Variants in SHROOM1 observed in about 807,000 individuals in gnomAD.
SHROOM1 encodes shroom family member 1.
In SHROOM1, 53 loss-of-function variants were observed where a neutral mutation model predicts 64.2. That is an observed-to-expected ratio of 0.83 (90% CI 0.66 to 1.04). SHROOM1 has a LOEUF of 1.04. Ranked by LOEUF, SHROOM1 falls within the 50% of genes least tolerant of loss-of-function variation. The pLI is 0.00. For synonymous variants in SHROOM1, 490 were observed against 518.9 expected (o/e 0.94, Z 0.76); for missense variants, 1,179 against 1,163.2 (o/e 1.01, Z -0.20).
In SHROOM1 at chr5:132,825,114, T is replaced by C; in HGVS notation, c.979-41A>G. The C allele has an allele frequency of 6.2e-7, 1 of 1,614,098 alleles. No individual in the cohort carries two copies. On this transcript the variant is annotated intron_variant, in intron 4 of 9. Transcript: ENST00000378679. The surrounding 1 kb of genome is among the most constrained non-coding windows in gnomAD (Gnocchi z 5.1). ...GTCGACTGAAATGTGGCTCAAGTTT[T>C]GTTTCCCAGATGCTCCCCTCACCAG...
In SHROOM1 at chr5:132,825,954, C is replaced by T. The variant is rs1272928079; in HGVS notation, c.187G>A (p.Val63Met). The change falls in exon 4 of 10, where the codon GTG becomes ATG. Residue 63 changes from valine (V) to methionine (M), a missense_variant. Physicochemically the swap from Val to Met is conservative, Grantham distance 21. Coordinates refer to ENST00000378679, the MANE Select transcript of SHROOM1 (RefSeq NM_001172700.2). The surrounding 1 kb of genome is among the most constrained non-coding windows in gnomAD (Gnocchi z 5.1). ...CCCGGGCCGCCCCAAACCACACGCA[C>T]GTAGTCCCAGTCTAGGTAAGGAAGG... ...DLLPYLDWDY[V>M]RVVWGGPGPA... The T allele has an allele frequency of 8.9e-6, 13 of 1,454,852 alleles. No homozygotes were observed. In the Admixed American group the frequency reaches 1.1e-4, roughly 12 times the overall value. 90.1% of individuals were successfully genotyped at this position (1,454,852 alleles called of 1,614,324 possible). A position where few individuals can be genotyped will look rare whatever the true frequency, so the allele number is the denominator to read the frequency against.
Position 132,823,380 on chromosome 5 carries a change from A to T in SHROOM1, c.2096T>A (p.Leu699Gln), listed in dbSNP as rs756366696. 6.2e-7 allele frequency: 1 copy of T among 1,609,696 alleles called. No homozygotes were observed. Among genetic ancestry groups the T allele is most frequent in the Non-Finnish European group, 8.5e-7 (1 of 1,179,752 alleles). ...GGCCATGAACCGGCTGAACCGCTCC[A>T]GCTCCTGAGGGGCACAGGCCTGGCG... ...AVRQACAPQE[L>Q]ERFSRFMADL... Residue 699 changes from leucine to glutamine, a missense_variant, in exon 9 of 10, where the codon CTG (leucine) becomes CAG (glutamine). Physicochemically the swap from Leu to Gln is moderately radical, Grantham distance 113. Transcript: ENST00000378679. This position sits in a 1 kb window ranked among gnomAD's most constrained non-coding sequence, Gnocchi z 4.6.
chr5:132,826,210 T>C, intron 3 of SHROOM1, 28 bp from the exon 4 acceptor site: 1 of 1,269,098 alleles, frequency 7.9e-7, no homozygotes, highest in African/African-American at 1.5e-5. Context: ...TGGTGCCGGG[T>C]GAGGAGCTCC....
At chr5:132,829,763 C>T (rs1357993825) in intron 1 of SHROOM1, 1 of 985,356 alleles carries the variant, frequency 1.0e-6, no homozygotes, top group East Asian at 1.1e-4. Flanking sequence ...CCAGTACCCG[C>T]AGCTGGGTCT....
chr5:132,828,571 C>A (rs1758767728), intron 1 of SHROOM1, among the ~76,000 whole-genome samples: 1 of 152,182 alleles, frequency 6.6e-6, no homozygotes, highest in Admixed American at 6.5e-5. Context: ...GCTCATGTCA[C>A]CCATCCTGCC....
chr5:132,825,806 G>A lies in SHROOM1; in HGVS notation c.335C>T (p.Thr112Ile), dbSNP rs1758670369. The A allele has an allele frequency of 8.0e-7, 1 of 1,250,014 alleles. No individual in the cohort carries two copies. The allele number at this position is 1,250,014 out of a possible 1,614,324, so 77.4% of individuals were successfully genotyped here. The change falls in exon 4 of 10, where the codon ACC becomes ATC. Residue 112 changes from threonine (T) to isoleucine (I), a missense_variant. Thr to Ile is a moderately conservative substitution (Grantham distance 89). Coordinates refer to ENST00000378679, the MANE Select transcript of SHROOM1 (RefSeq NM_001172700.2). The surrounding 1 kb of genome is among the most constrained non-coding windows in gnomAD (Gnocchi z 5.1). ...GTPGPLNRQA[T>I]PLLYALAAEA... ...GGCCGCCAGCGCGTACAGCAGCGGG[G>A]TGGCCTGCCTGTTCAGTGGTCCCGG...
At position 132,822,499 on chromosome 5, in the gene SHROOM1, C is replaced by G. The variant is rs944785547; in HGVS notation, c.*297G>C. The G allele has an allele frequency of 4.6e-5, 12 of 263,678 alleles. No individual in the cohort carries two copies. The East Asian group carries it at 6.8e-4, about 15-fold the overall frequency. 16.3% of individuals were successfully genotyped at this position (263,678 alleles called of 1,614,324 possible). A position where few individuals can be genotyped will look rare whatever the true frequency, so the allele number is the denominator to read the frequency against. The stretch of plus-strand genomic sequence containing the variant: ...CTGCCTCAGCCTTCCGAGTAGCTGG[C>G]AATACAGGCACCCGCCACCACGCCC... On this transcript the variant is annotated 3_prime_UTR_variant, in exon 10 of 10. Coordinates refer to ENST00000378679, the MANE Select transcript of SHROOM1 (RefSeq NM_001172700.2).
rs762000454 is a variant in SHROOM1 at position 132,822,891 on chromosome 5, C to T, written c.2464G>A (p.Asp822Asn). 6.2e-7 allele frequency: 1 copy of T among 1,613,502 alleles called. No individual in the cohort carries two copies. The highest frequency in any genetic ancestry group is 1.3e-5 in the African/African-American group (1 of 74,946). Reference protein sequence around the residue: ...LLQDQLDAIRDDLGHHAPSPS... With the variant: ...LLQDQLDAIRNDLGHHAPSPS... ...GACGGGGCATGATGGCCAAGGTCGT[C>T]CCTGATGGCGTCCAGTTGGTCCTGA... Residue 822 changes from aspartate (D) to asparagine (N), a missense_variant, in exon 10 of 10, where the codon GAC becomes AAC. Coordinates refer to ENST00000378679, the MANE Select transcript of SHROOM1 (RefSeq NM_001172700.2).
chr5:132,824,034 C>T lies in SHROOM1; in HGVS notation c.1627G>A (p.Glu543Lys), dbSNP rs368322209. ...CTGGCCAGCTCCTGAACCAGCTCCTCGAGGCACTGACTAGGCCATGTGGGC... is the reference window on the plus strand; with the variant it reads ...CTGGCCAGCTCCTGAACCAGCTCCTTGAGGCACTGACTAGGCCATGTGGGC... ...SRPTWPSQCLEELVQELARLD... is the reference protein window; with the variant it reads ...SRPTWPSQCLKELVQELARLD... The change falls in exon 7 of 10, where the codon GAG becomes AAG. Residue 543 changes from glutamate to lysine, a missense_variant. Glu to Lys is a moderately conservative substitution (Grantham distance 56). Transcript: ENST00000378679. 5.6e-6 allele frequency: 9 copies of T among 1,608,170 alleles called. No homozygotes were observed. Among genetic ancestry groups the T allele is most frequent in the South Asian group, 5.6e-5 (5 of 89,920 alleles).
rs763866278 is a variant in SHROOM1 at position 132,824,120 on chromosome 5, TCATTGC to T, written c.1535_1540del (p.Gly512_Asn513del). 22 of 1,613,994 alleles carry T rather than the reference TCATTGC, an allele frequency of 1.4e-5. No homozygotes were observed. In the Admixed American group the frequency reaches 3.7e-4, roughly 27 times the overall value. ...AGTATTGTGAGAGGGACCTGGAGTA[TCATTGC>T]CTGAAAGTCCCAAGGCATCAGCTGG... On this transcript the variant is annotated inframe_deletion, in exon 7 of 10. Coordinates refer to ENST00000378679, the MANE Select transcript of SHROOM1 (RefSeq NM_001172700.2).
rs968088791 is a variant in SHROOM1, at chr5:132,825,866, C to A, written c.275G>T (p.Arg92Leu). The change falls in exon 4 of 10, where the codon CGC becomes CTC. Residue 92 changes from arginine (R) to leucine (L), a missense_variant. Physicochemically the swap from Arg to Leu is moderately radical, Grantham distance 102. Coordinates refer to ENST00000378679, the MANE Select transcript of SHROOM1 (RefSeq NM_001172700.2). This position sits in a 1 kb window ranked among gnomAD's most constrained non-coding sequence, Gnocchi z 5.1. The stretch of plus-strand genomic sequence containing the variant: ...GACCTCTGTTGGCTGCGGCCCACTG[C>A]GGGCTGCAACCGCGGGCCGGGGCCG... ...SPRPRPAVAA[R>L]SGPQPTEVPG... The A allele has an allele frequency of 7.7e-7, 1 of 1,295,506 alleles. No individual in the cohort carries two copies. The allele number at this position is 1,295,506 out of a possible 1,614,324, so 80.3% of individuals were successfully genotyped here. A position where few individuals can be genotyped will look rare whatever the true frequency, so the allele number is the denominator to read the frequency against.
At chr5:132,827,932 G>T (rs1438968946) in intron 1 of SHROOM1, among the ~76,000 whole-genome samples, 1 of 152,072 alleles carries the variant, frequency 6.6e-6, no homozygotes, top group Admixed American at 6.6e-5. Context: ...GGGGATCAAG[G>T]GTAAGAGTTG....
At position 132,822,950 on chromosome 5, in the gene SHROOM1, T is replaced by C. The variant is rs776273526; in HGVS notation, c.2405A>G (p.Gln802Arg). The C allele has an allele frequency of 1.2e-6, 2 of 1,612,052 alleles. No individual in the cohort carries two copies. Among genetic ancestry groups the C allele is most frequent in the Non-Finnish European group, 1.7e-6 (2 of 1,179,882 alleles). ...LLAGKAAVLA[Q>R]QRNLDERIRL... ...GATGCGCTCGTCCAGGTTGCGCTGC[T>C]GGGCCAGGACGGCGGCCTTGCCCGC... The change falls in exon 10 of 10, where the codon CAG (glutamine) becomes CGG (arginine). Residue 802 changes from glutamine to arginine, a missense_variant. By Grantham distance (43) the Gln-to-Arg change is conservative. Transcript: ENST00000378679.
In SHROOM1 at chr5:132,823,926, A is replaced by C; in HGVS notation, c.1735T>G (p.Leu579Val). ...CGCATTGCAGCCCGGACCTCTGCTA[A>C]AGGAATCAGTCCATCCAGCAGGCCC... is the stretch of plus-strand genomic sequence containing the variant. ...PLGLLDGLIP[L>V]AEVRAAMRPA... Residue 579 changes from leucine (L) to valine (V), a missense_variant, in exon 7 of 10, where the codon TTA becomes GTA. Physicochemically the swap from Leu to Val is conservative, Grantham distance 32. Coordinates refer to ENST00000378679, the MANE Select transcript of SHROOM1 (RefSeq NM_001172700.2). The surrounding 1 kb of genome is among the most constrained non-coding windows in gnomAD (Gnocchi z 4.6). 1 of 1,570,800 alleles carries C rather than the reference A, an allele frequency of 6.4e-7. No individual in the cohort carries two copies. Among genetic ancestry groups the C allele is most frequent in the South Asian group, 1.2e-5 (1 of 82,328 alleles).
At position 132,825,677 on chromosome 5, in the gene SHROOM1, TC is replaced by T; in HGVS notation, c.463del (p.Glu155ArgfsTer11). On this transcript the variant is annotated frameshift_variant, in exon 4 of 10. Coordinates refer to ENST00000378679, the MANE Select transcript of SHROOM1 (RefSeq NM_001172700.2). LOFTEE classifies it high-confidence loss of function. The surrounding 1 kb of genome is among the most constrained non-coding windows in gnomAD (Gnocchi z 5.1). ...LQGAQRRVLR[E>X]TSFQRKELRM... is the part of the protein sequence containing the mutation. The stretch of plus-strand genomic sequence containing the variant: ...GAGCTCCTTGCGCTGGAACGACGTC[TC>T]CCGGAGCACTCGCCGCTGCGCGCCC... 1 of 1,354,294 alleles carries T rather than the reference TC, an allele frequency of 7.4e-7. No individual in the cohort carries two copies. Among genetic ancestry groups the T allele is most frequent in the African/African-American group, 1.5e-5 (1 of 65,808 alleles). 83.9% of individuals were successfully genotyped at this position (1,354,294 alleles called of 1,614,324 possible).
chr5:132,829,508 A>T (rs1184560908), intron 1 of SHROOM1: 2 of 895,556 alleles, frequency 2.2e-6, no homozygotes, highest in Non-Finnish European at 2.7e-6. Context: ...AAATCACACC[A>T]AGGCAATGGG....
In SHROOM1 at chr5:132,823,786, C is replaced by T. The variant is rs1401998378; in HGVS notation, c.1812-22G>A. The T allele has an allele frequency of 2.1e-5, 32 of 1,537,450 alleles. No homozygotes were observed. Among genetic ancestry groups the T allele is most frequent in the Non-Finnish European group, 2.8e-5 (32 of 1,142,834 alleles). On this transcript the variant is annotated intron_variant, in intron 7 of 9. Transcript: ENST00000378679. This position sits in a 1 kb window ranked among gnomAD's most constrained non-coding sequence, Gnocchi z 4.6. ...GGACCTGGGAACAAAACCAGAGCTCCCTGGGTTTCCTGTCCCCAACTTCAG... is the reference window on the plus strand; with the variant it reads ...GGACCTGGGAACAAAACCAGAGCTCTCTGGGTTTCCTGTCCCCAACTTCAG...
rs753434358 is a variant in SHROOM1 at position 132,823,282 on chromosome 5, G to A, written c.2194C>T (p.Arg732Trp). ...RLARVRRALA[R>W]AASDSDPDEQ... ...TCAGGGTCGCTGTCTGAGGCCGCCC[G>A]GGCCAGGGCGCGGCGCACGCGCGCC... The change falls in exon 9 of 10, where the codon CGG becomes TGG. Residue 732 changes from arginine to tryptophan, a missense_variant. By Grantham distance (101) the Arg-to-Trp change is moderately radical. Coordinates refer to ENST00000378679, the MANE Select transcript of SHROOM1 (RefSeq NM_001172700.2). This position sits in a 1 kb window ranked among gnomAD's most constrained non-coding sequence, Gnocchi z 4.6. 1 of 1,599,960 alleles carries A rather than the reference G, an allele frequency of 6.3e-7. No individual in the cohort carries two copies. Among genetic ancestry groups the A allele is most frequent in the South Asian group, 1.1e-5 (1 of 90,898 alleles).
At position 132,826,044 on chromosome 5, in the gene SHROOM1, A is replaced by G; in HGVS notation, c.97T>C (p.Tyr33His). 1 of 1,517,918 alleles carries G rather than the reference A, an allele frequency of 6.6e-7. No homozygotes were observed. Among genetic ancestry groups the G allele is most frequent in the Non-Finnish European group, 8.8e-7 (1 of 1,135,194 alleles). 94.0% of individuals were successfully genotyped at this position (1,517,918 alleles called of 1,614,324 possible). Residue 33 changes from tyrosine to histidine, a missense_variant, in exon 4 of 10, where the codon TAC becomes CAC. By Grantham distance (83) the Tyr-to-His change is moderately conservative. Coordinates refer to ENST00000378679, the MANE Select transcript of SHROOM1 (RefSeq NM_001172700.2). ...WHLSMRADSA[Y>H]SSFSAASGGP... Reference sequence around the variant, plus strand: ...CCGGAGGCTGCGGAGAAAGAGCTGTAGGCCGAGTCCGCGCGCATGGACAGA... The same window carrying G: ...CCGGAGGCTGCGGAGAAAGAGCTGTGGGCCGAGTCCGCGCGCATGGACAGA...
Sources: allele counts gnomAD v4.1 joint callset (sites outside exome capture counted in the v4.1 genomes callset), GRCh38; gene constraint gnomAD v4.1.1; non-coding constraint Gnocchi (gnomAD v3.1); transcripts MANE v1.5; gene names NCBI Gene and HGNC (gene_info 2026-07-23, HGNC 2026-07-21).